The following EIF4G3 variants were observed in gnomAD, a reference collection of about 807,000 sequenced individuals.
EIF4G3 encodes eIF-4-gamma 3.
EIF4G3 carries 34 observed loss-of-function variants against 186.4 expected under a neutral mutation model. That is an observed-to-expected ratio of 0.18 (90% CI 0.14 to 0.24). The LOEUF (loss-of-function observed/expected upper bound fraction) is 0.24, where lower values mean the gene tolerates loss of function less well. Among genes scored for constraint, EIF4G3 ranks in the 10% least tolerant of loss-of-function variants. The pLI, the probability that EIF4G3 is intolerant of heterozygous loss-of-function variation, is 1.00. For missense variants in EIF4G3, 1,536 were observed against 1,948.5 expected, an observed-to-expected ratio of 0.79 and a Z score of 3.99; for synonymous variants, 673 against 679.5, an observed-to-expected ratio of 0.99 and a Z score of 0.15.
chr1:21,028,668 C>G (rs1455041495), intron 4 of EIF4G3, among the ~76,000 whole-genome samples: 2 of 152,140 alleles, frequency 1.3e-5, no homozygotes, highest in East Asian at 3.8e-4. Context: ...CAGTAAGCAG[C>G]AGAATTAGAC....
chr1:21,050,832 C>A (rs2094168315), intron 4 of EIF4G3, 34 bp downstream of exon 4: 4 of 688,238 alleles, frequency 5.8e-6, no homozygotes, highest in Non-Finnish European at 1.1e-5. Context: ...TTTACAGGGA[C>A]ATTTCTTATT....
chr1:21,045,807 C>A (rs1011866000), intron 4 of EIF4G3, among the ~76,000 whole-genome samples: 12 of 149,476 alleles, frequency 8.0e-5, no homozygotes, highest in African/African-American at 2.5e-4. Flanking sequence ...AAAAAAAAAA[C>A]AGAATGAAAC....
At chr1:20,875,652 G>C (rs895294855) in intron 20 of EIF4G3, among the ~76,000 whole-genome samples, 1 of 152,170 alleles carries the variant, frequency 6.6e-6, no homozygotes, top group African/African-American at 2.4e-5. Flanking sequence ...AATGGCTAAC[G>C]CCTATAATCC....
chr1:21,151,321 C>G (rs2097546786), intron 2 of EIF4G3, among the ~76,000 whole-genome samples: 1 of 130,870 alleles, frequency 7.6e-6, no homozygotes, highest in South Asian at 2.5e-4. Context: ...TCACTGCAAG[C>G]TCTGCCTCCC....
intron 28 of EIF4G3, 37 bp from the exon 29 acceptor site, chr1:20,849,567 A>C (rs2072576134): frequency 1.1e-6 from 1 of 944,156 alleles, no homozygotes; most frequent in African/African-American, 1.7e-5. Context: ...TAAAAATAAT[A>C]AAAATTACTA....
At chr1:20,898,976 C>T (rs898895040) in intron 16 of EIF4G3, among the ~76,000 whole-genome samples, 20 of 152,248 alleles carry the variant, frequency 1.3e-4, no homozygotes, top group South Asian at 6.2e-4. Flanking sequence ...GTGATCCGCC[C>T]GCCTCGGCCT....
intron 14 of EIF4G3, among the ~76,000 whole-genome samples, chr1:20,908,020 A>C (rs2092555595): frequency 1.3e-5 from 2 of 151,948 alleles, no homozygotes; most frequent in Non-Finnish European, 2.9e-5. Flanking sequence ...ACAGTGTAAA[A>C]GTGTTCCTAT....
intron 7 of EIF4G3, among the ~76,000 whole-genome samples, chr1:20,993,030 G>A (rs2081451925): frequency 6.6e-6 from 1 of 152,150 alleles, no homozygotes; most frequent in African/African-American, 2.4e-5. Context: ...CATATAAAAT[G>A]ACTTAGTATT....
chr1:21,170,062 C>T (rs866729004), intron 2 of EIF4G3, among the ~76,000 whole-genome samples: 9 of 152,066 alleles, frequency 5.9e-5, no homozygotes, highest in South Asian at 2.1e-4. Flanking sequence ...GTAGTCCCAG[C>T]TACTCTAGAG....
intron 4 of EIF4G3, among the ~76,000 whole-genome samples, chr1:21,018,666 T>G (rs985141225): frequency 6.6e-6 from 1 of 152,084 alleles, no homozygotes; most frequent in Non-Finnish European, 1.5e-5. Flanking sequence ...TAATGGGAAG[T>G]GTTTGGATTA....
At chr1:20,952,859 G>GCAAACAAACAAACAAA (rs71014132) in intron 12 of EIF4G3, among the ~76,000 whole-genome samples, 1 of 150,986 alleles carries the variant, frequency 6.6e-6, no homozygotes, top group Non-Finnish European at 1.5e-5. Flanking sequence ...TCGAAAACAA[G>GCAAACAAACAAACAAA]CAAACAAACA....
intron 2 of EIF4G3, among the ~76,000 whole-genome samples, chr1:21,163,867 G>C (rs1404588489): frequency 6.6e-6 from 1 of 152,186 alleles, no homozygotes; most frequent in East Asian, 1.9e-4. Context: ...CGCCACCTGA[G>C]TTCAAGCGAT....
intron 12 of EIF4G3, among the ~76,000 whole-genome samples, chr1:20,962,592 G>C (rs187117363): frequency 1.3e-5 from 2 of 152,278 alleles, no homozygotes; most frequent in East Asian, 3.9e-4. Context: ...CTGCCTCTTG[G>C]AAGTACTGCC....
chr1:21,157,596 A>G (rs1186595235), intron 2 of EIF4G3, among the ~76,000 whole-genome samples: 1 of 151,916 alleles, frequency 6.6e-6, no homozygotes, highest in Non-Finnish European at 1.5e-5. Flanking sequence ...CTAGCCTCCC[A>G]AAGTGCTGGG....
intron 3 of EIF4G3, among the ~76,000 whole-genome samples, chr1:21,080,407 C>T (rs1230682186): frequency 6.6e-6 from 1 of 151,580 alleles, no homozygotes; most frequent in Admixed American, 6.6e-5. Flanking sequence ...TGCCACTGTA[C>T]TCCAGCCTGT....
At chr1:20,831,061 T>C (rs1369198584) in intron 30 of EIF4G3, among the ~76,000 whole-genome samples, 4 of 152,194 alleles carry the variant, frequency 2.6e-5, no homozygotes, top group African/African-American at 7.2e-5. Context: ...TCTTGGCATG[T>C]AGTGACCATC....
chr1:20,882,411 G>A (rs2082669491), intron 19 of EIF4G3, among the ~76,000 whole-genome samples: 1 of 152,012 alleles, frequency 6.6e-6, no homozygotes, highest in Admixed American at 6.6e-5. Flanking sequence ...CTTGAGGCCC[G>A]GAGTTCCAGA....
intron 2 of EIF4G3, among the ~76,000 whole-genome samples, chr1:21,134,866 T>A (rs755817155): frequency 2.0e-5 from 3 of 151,444 alleles, no homozygotes; most frequent in Non-Finnish European, 2.9e-5. Context: ...TATATAGTAC[T>A]ATGCAGTGTT....
At chr1:20,821,355 G>GT (rs113816599) in intron 33 of EIF4G3, among the ~76,000 whole-genome samples, 2 of 152,320 alleles carry the variant, frequency 1.3e-5, no homozygotes, top group African/African-American at 4.8e-5. Flanking sequence ...ACTGGGCTGG[G>GT]TACTGGTAAG....
Sources: allele counts gnomAD v4.1 joint callset (sites outside exome capture counted in the v4.1 genomes callset), GRCh38; gene constraint gnomAD v4.1.1; transcripts MANE v1.5; gene names NCBI Gene and HGNC (gene_info 2026-07-23, HGNC 2026-07-21).